SDHB: variants seen among roughly 807,000 people sequenced by gnomAD.
SDHB encodes the protein succinate dehydrogenase [ubiquinone] iron-sulfur subunit, mitochondrial.
SDHB carries 21 observed loss-of-function variants against 39.7 expected under a neutral mutation model. The observed-to-expected ratio is 0.53, with a 90% CI of 0.37 to 0.76. The LOEUF (loss-of-function observed/expected upper bound fraction) is 0.76, where lower values mean the gene tolerates loss of function less well. SDHB is among the 30% of genes least tolerant of loss of function. SDHB has a pLI of 0.00. For missense variants in SDHB, 343 were observed against 350.9 expected (o/e 0.98, Z 0.18); for synonymous variants, 118 against 117.0 (o/e 1.01, Z -0.06).
intron 7 of SDHB, among the ~76,000 whole-genome samples, chr1:17,021,612 G>A (rs1311890127): frequency 6.6e-6 from 1 of 152,098 alleles, no homozygotes; most frequent in Non-Finnish European, 1.5e-5. Context: ...GGCATGAGTG[G>A]TGCCTGCCTG....
intron 2 of SDHB, among the ~76,000 whole-genome samples, chr1:17,040,422 T>C (rs1263919383): frequency 6.6e-6 from 1 of 152,142 alleles, no homozygotes; most frequent in Non-Finnish European, 1.5e-5. Context: ...TTCTCTCCAT[T>C]TTTTCTGGAA....
chr1:17,032,048 T>A (rs556787518), intron 3 of SDHB, among the ~76,000 whole-genome samples: 3 of 152,214 alleles, frequency 2.0e-5, no homozygotes, highest in African/African-American at 7.2e-5. Flanking sequence ...CCAGTCGGTC[T>A]TCACTGCACC....
rs1326601709 is a variant in SDHB, at chr1:17,053,963, G to A, written c.57C>T (p.Gly19=). Residue 19 remains glycine (G), a synonymous_variant, in exon 1 of 8, where the codon GGC becomes GGT. Transcript: ENST00000375499. Reference sequence around the variant, plus strand: ...CAGGACTCACCTGCAGGCAGGCTCCGCCAAGGGTTGTGGCCGGCAACCGGC... The same window carrying A: ...CAGGACTCACCTGCAGGCAGGCTCCACCAAGGGTTGTGGCCGGCAACCGGC... ...LRRRLPATTL[G]GACLQASRGA... 5 of 1,612,768 alleles carry A rather than the reference G, an allele frequency of 3.1e-6. No homozygotes were observed. The highest frequency in any genetic ancestry group is 4.2e-6 in the Non-Finnish European group (5 of 1,179,432).
intron 5 of SDHB, among the ~76,000 whole-genome samples, chr1:17,027,067 T>G (rs2077994919): frequency 6.6e-6 from 1 of 152,066 alleles, no homozygotes; most frequent in Admixed American, 6.5e-5. Flanking sequence ...GACCTGCAGG[T>G]GGGGCTCTGT....
At chr1:17,023,473 C>G (rs2077974528) in intron 6 of SDHB, among the ~76,000 whole-genome samples, 1 of 152,218 alleles carries the variant, frequency 6.6e-6, no homozygotes. Flanking sequence ...TCTAAAAAAG[C>G]ACAAGCTTTC....
intron 1 of SDHB, among the ~76,000 whole-genome samples, chr1:17,047,869 A>G (rs1031361669): frequency 6.6e-6 from 1 of 152,088 alleles, no homozygotes; most frequent in Admixed American, 6.6e-5. Context: ...TTGTAGAGAT[A>G]GGGGTCTCAC....
intron 2 of SDHB, among the ~76,000 whole-genome samples, chr1:17,039,429 A>AT (rs2078067471): frequency 6.6e-6 from 1 of 150,736 alleles, no homozygotes; most frequent in African/African-American, 2.4e-5. Flanking sequence ...AAAAAAAAAA[A>AT]AAAAAAAATT....
intron 1 of SDHB, among the ~76,000 whole-genome samples, chr1:17,051,438 T>C (rs1379286931): frequency 2.6e-5 from 4 of 152,014 alleles, no homozygotes. Flanking sequence ...TGGAGTTGGA[T>C]GGAGTGGATA....
At chr1:17,030,199 A>G (rs980514844) in intron 3 of SDHB, among the ~76,000 whole-genome samples, 8 of 152,164 alleles carry the variant, frequency 5.3e-5, no homozygotes, top group Non-Finnish European at 1.2e-4. Flanking sequence ...AAAAAAAAGA[A>G]AAAAATAATT....
intron 2 of SDHB, among the ~76,000 whole-genome samples, chr1:17,043,760 C>T (rs1336954758): frequency 6.6e-6 from 1 of 152,134 alleles, no homozygotes; most frequent in Non-Finnish European, 1.5e-5. Context: ...GAAGAAGAGG[C>T]CAAGAGCCAA....
At chr1:17,020,557 A>T (rs2077955683) in intron 7 of SDHB, among the ~76,000 whole-genome samples, 1 of 152,228 alleles carries the variant, frequency 6.6e-6, no homozygotes, top group Non-Finnish European at 1.5e-5. Flanking sequence ...GTTTGTGACC[A>T]GGAATGCACC....
Position 17,027,695 on chromosome 1 carries a change from A to C in SDHB, c.540+54T>G, listed in dbSNP as rs924054025. 5.3e-5 allele frequency: 58 copies of C among 1,091,956 alleles called. No individual in the cohort carries two copies. The Admixed American group carries it at 9.4e-4, about 18-fold the overall frequency. 67.6% of individuals were successfully genotyped at this position (1,091,956 alleles called of 1,614,324 possible). On this transcript the variant is annotated intron_variant, in intron 5 of 7. Coordinates refer to ENST00000375499, the MANE Select transcript of SDHB (RefSeq NM_003000.3). ...TTCCCTGCCAAGCCACACTCCTGGC[A>C]ATCATCTTTGCAATAAATTCTTCAG... is the stretch of plus-strand genomic sequence containing the variant.
rs150542357 is a variant in SDHB, at chr1:17,028,600, G to T, written c.423C>A (p.Pro141=). ...PHMYVIKDLV[P]DLSNFYAQYK... ...AAACCAGAGAGATGCAGAAACTCAC[G>T]GGAACAAGATCCTTTATCACATACA... Residue 141 remains proline, a splice_region_variant and synonymous_variant, in exon 4 of 8, where the codon CCC becomes CCA. Transcript: ENST00000375499. The T allele has an allele frequency of 6.2e-7, 1 of 1,614,066 alleles. No individual in the cohort carries two copies. Among genetic ancestry groups the T allele is most frequent in the South Asian group, 1.1e-5 (1 of 91,076 alleles).
chr1:17,039,213 A>G lies in SDHB; in HGVS notation c.200+5548T>C, dbSNP rs975837711. Among the ~76,000 whole-genome samples the G allele has an allele frequency of 1.1e-4, 16 of 152,014 alleles. 1 individual carries two copies. Among genetic ancestry groups the G allele is most frequent in the Non-Finnish European group, 1.6e-4 (11 of 67,996 alleles). ...TTTTCTTATTCTAAGTAATATTTTT[A>G]GACTAAGTAAATATTTTTAGAAATC... On this transcript the variant is annotated intron_variant, in intron 2 of 7. Coordinates refer to ENST00000375499, the MANE Select transcript of SDHB (RefSeq NM_003000.3).
At chr1:17,045,084 TA>T (rs2078102209) in intron 1 of SDHB, 196 bp from the exon 2 acceptor site, 1 of 585,724 alleles carries the variant, frequency 1.7e-6, no homozygotes, top group Non-Finnish European at 3.0e-6. Context: ...GACATGGTAT[TA>T]GGGGCTAGTG....
At chr1:17,048,202 G>C (rs543975824) in intron 1 of SDHB, among the ~76,000 whole-genome samples, 2 of 152,016 alleles carry the variant, frequency 1.3e-5, no homozygotes, top group African/African-American at 4.8e-5. Context: ...TCTCAAATTC[G>C]GTCATTTCAA....
intron 4 of SDHB, 49 bp downstream of exon 4, chr1:17,028,551 C>A: frequency 6.2e-7 from 1 of 1,602,344 alleles, no homozygotes; most frequent in Non-Finnish European, 8.5e-7. Context: ...ACACATAGCA[C>A]TGCCCCCCAT....
chr1:17,031,168 C>T (rs1345868636), intron 3 of SDHB, among the ~76,000 whole-genome samples: 2 of 151,786 alleles, frequency 1.3e-5, no homozygotes, highest in Non-Finnish European at 2.9e-5. Flanking sequence ...TAAGGGAACC[C>T]AAAGATGTGT....
intron 1 of SDHB, among the ~76,000 whole-genome samples, chr1:17,046,843 G>A (rs1273186463): frequency 6.6e-6 from 1 of 151,976 alleles, no homozygotes; most frequent in East Asian, 1.9e-4. Flanking sequence ...TCAGTCTCCC[G>A]AGTAGCTGGG....
Sources: allele counts gnomAD v4.1 joint callset (sites outside exome capture counted in the v4.1 genomes callset), GRCh38; gene constraint gnomAD v4.1.1; transcripts MANE v1.5; gene names NCBI Gene and HGNC (gene_info 2026-07-23, HGNC 2026-07-21).